Variants in HRH2 observed in about 807,000 individuals in gnomAD.
The protein encoded by HRH2 is histamine receptor H2.
HRH2 carries 4 observed loss-of-function variants against 20.1 expected under a neutral mutation model. That is an observed-to-expected ratio of 0.20 (90% CI 0.10 to 0.45). The LOEUF (loss-of-function observed/expected upper bound fraction) is 0.45. Among genes scored for constraint, HRH2 ranks in the 20% least tolerant of loss-of-function variants. The pLI is 0.99. For missense variants in HRH2, 250 were observed against 461.6 expected, an observed-to-expected ratio of 0.54 and a Z score of 4.20; for synonymous variants, 197 against 200.7, an observed-to-expected ratio of 0.98 and a Z score of 0.16.
At chr5:175,703,731 T>C (rs567715100) in intron 2 of HRH2, among the ~76,000 whole-genome samples, 65 of 152,206 alleles carry the variant, frequency 4.3e-4, no homozygotes, top group African/African-American at 1.5e-3. Flanking sequence ...TTAATACAGA[T>C]GTTGCAGAGA....
chr5:175,684,949 A>C (rs1410881623), intron 2 of HRH2, among the ~76,000 whole-genome samples: 1 of 152,172 alleles, frequency 6.6e-6, no homozygotes, highest in South Asian at 2.1e-4. Context: ...ACTTAAGCAG[A>C]TCTATGCCTT....
In HRH2 at chr5:175,687,466, C is replaced by T. The variant is rs565447692; in HGVS notation, c.1076+3157C>T. Among the ~76,000 whole-genome samples the T allele has an allele frequency of 5.9e-4, 90 of 152,248 alleles. No homozygotes were observed. The highest frequency in any genetic ancestry group is 2.1e-3 in the African/African-American group (88 of 41,540). On this transcript the variant is annotated intron_variant, in intron 2 of 2. Coordinates refer to ENST00000636584, the MANE Select transcript of HRH2 (RefSeq NM_001367711.1). This position sits in a 1 kb window ranked among gnomAD's most constrained non-coding sequence, Gnocchi z 5.2. ...GGGCACCGTCGGCCAAGGGGTGACTCCAGAAGATAGAGTGGCCAAGCTGGC... is the reference window on the plus strand; with the variant it reads ...GGGCACCGTCGGCCAAGGGGTGACTTCAGAAGATAGAGTGGCCAAGCTGGC...
chr5:175,683,742 C>A lies in HRH2; in HGVS notation c.509C>A (p.Thr170Asn). 1.9e-6 allele frequency: 3 copies of A among 1,614,172 alleles called. No individual in the cohort carries two copies. The highest frequency in any genetic ancestry group is 2.5e-6 in the Non-Finnish European group (3 of 1,180,026). ...AACGAGACCAGCAAGGGCAATCATA[C>A]CACCTCTAAGTGCAAAGTCCAGGTC... ...SRNETSKGNH[T>N]TSKCKVQVNE... Residue 170 changes from threonine to asparagine, a missense_variant, in exon 2 of 3, where the codon ACC (threonine) becomes AAC (asparagine). Thr to Asn is a moderately conservative substitution (Grantham distance 65). Transcript: ENST00000636584.
Position 175,693,464 on chromosome 5 carries a change from C to A in HRH2, c.1076+9155C>A, listed in dbSNP as rs572014554. Among the ~76,000 whole-genome samples, 1 of 152,186 alleles carries A rather than the reference C, an allele frequency of 6.6e-6. No homozygotes were observed. The highest frequency in any genetic ancestry group is 1.9e-4 in the East Asian group (1 of 5,180). ...TTTGCAGAAAGTAGCGAGGGCCTCACAGACGGGACGTCGCAGGTCCATGGA... is the reference window on the plus strand; with the variant it reads ...TTTGCAGAAAGTAGCGAGGGCCTCAAAGACGGGACGTCGCAGGTCCATGGA... On this transcript the variant is annotated intron_variant, in intron 2 of 2. Transcript: ENST00000636584. This position sits in a 1 kb window ranked among gnomAD's most constrained non-coding sequence, Gnocchi z 4.4.
intron 1 of HRH2, among the ~76,000 whole-genome samples, chr5:175,667,719 T>C (rs112925755): frequency 2.5e-4 from 38 of 152,330 alleles, no homozygotes; most frequent in African/African-American, 8.4e-4. Flanking sequence ...CAAGAAGTGA[T>C]AGTAACAGCT....
chr5:175,695,753 G>A (rs1756554308), intron 2 of HRH2, among the ~76,000 whole-genome samples: 1 of 152,236 alleles, frequency 6.6e-6, no homozygotes, highest in Non-Finnish European at 1.5e-5. Flanking sequence ...GGCAGAGGGT[G>A]TAGACCTCAA....
intron 2 of HRH2, among the ~76,000 whole-genome samples, chr5:175,684,915 GAGTT>G (rs996789865): frequency 6.6e-6 from 1 of 152,164 alleles, no homozygotes; most frequent in Non-Finnish European, 1.5e-5. Context: ...AAAGGTGAAA[GAGTT>G]AGAAGCAAGG....
In HRH2 at chr5:175,707,924, A is replaced by G. The variant is rs985074823; in HGVS notation, c.1222A>G (p.Arg408Gly). The G allele has an allele frequency of 5.0e-6, 2 of 399,118 alleles. No homozygotes were observed. Among genetic ancestry groups the G allele is most frequent in the Non-Finnish European group, 8.8e-6 (2 of 226,126 alleles). The allele number at this position is 399,118 out of a possible 1,614,324, so 24.7% of individuals were successfully genotyped here. ...GCCACTGTCTGAGGAGCCACAGAAG[A>G]GACCTCCCCAGAAAGCGGTGAGGAC... ...GEPLSEEPQKRPPQKAVRTLP... is the reference protein window; with the variant it reads ...GEPLSEEPQKGPPQKAVRTLP... The change falls in exon 3 of 3, where the codon AGA becomes GGA. Residue 408 changes from arginine to glycine, a missense_variant. Physicochemically the swap from Arg to Gly is moderately radical, Grantham distance 125. Coordinates refer to ENST00000636584, the MANE Select transcript of HRH2 (RefSeq NM_001367711.1).
At chr5:175,669,166 G>A (rs1755423812) in intron 1 of HRH2, among the ~76,000 whole-genome samples, 1 of 151,920 alleles carries the variant, frequency 6.6e-6, no homozygotes, top group African/African-American at 2.4e-5. Flanking sequence ...AAATGCATTT[G>A]TTTTTGAGGT....
rs1181811240 is a variant in HRH2, at chr5:175,709,924, C to G, written c.*1953C>G. 1.3e-5 allele frequency: 2 copies of G among 152,962 alleles called. No homozygotes were observed. The highest frequency in any genetic ancestry group is 4.8e-5 in the African/African-American group (2 of 41,478). 9.5% of individuals were successfully genotyped at this position (152,962 alleles called of 1,614,324 possible). A position where few individuals can be genotyped will look rare whatever the true frequency, so the allele number is the denominator to read the frequency against. Reference sequence around the variant, plus strand: ...TCCCCCTGCGCCAGGCCTCCTCCGTCACTTCACTCTGGCCCTGCTGTTCTT... The same window carrying G: ...TCCCCCTGCGCCAGGCCTCCTCCGTGACTTCACTCTGGCCCTGCTGTTCTT... On this transcript the variant is annotated 3_prime_UTR_variant, in exon 3 of 3. Transcript: ENST00000636584.
chr5:175,705,414 G>A (rs866606888), intron 2 of HRH2, among the ~76,000 whole-genome samples: 7 of 152,116 alleles, frequency 4.6e-5, no homozygotes, highest in East Asian at 3.9e-4. Flanking sequence ...TAAAAAACTC[G>A]AAACAATCCA....
intron 1 of HRH2, among the ~76,000 whole-genome samples, chr5:175,680,052 T>A (rs2113511306): frequency 6.6e-6 from 1 of 152,348 alleles, no homozygotes; most frequent in South Asian, 2.1e-4. Context: ...TTACTATGCA[T>A]GGTATCGCTT....
At chr5:175,682,156 C>A (rs532283471) in intron 1 of HRH2, among the ~76,000 whole-genome samples, 10 of 152,344 alleles carry the variant, frequency 6.6e-5, no homozygotes, top group Admixed American at 2.0e-4. Context: ...AGAGCCGAGC[C>A]GTCACAGGCT....
intron 2 of HRH2, among the ~76,000 whole-genome samples, chr5:175,690,938 T>C (rs886598827): frequency 6.6e-6 from 1 of 152,232 alleles, no homozygotes; most frequent in African/African-American, 2.4e-5. Flanking sequence ...TTCGTCCCTT[T>C]CTTCCATCCT....
intron 1 of HRH2, among the ~76,000 whole-genome samples, chr5:175,676,472 C>G (rs764469578): frequency 1.3e-5 from 2 of 152,200 alleles, no homozygotes; most frequent in African/African-American, 4.8e-5. Context: ...TTGGGACCAC[C>G]ACACCCTGTT....
At chr5:175,695,788 G>A (rs891389558) in intron 2 of HRH2, among the ~76,000 whole-genome samples, 6 of 152,366 alleles carry the variant, frequency 3.9e-5, no homozygotes, top group Admixed American at 3.3e-4. Context: ...CAGCATTTAA[G>A]GATGGGCCAG....
At chr5:175,684,824 G>A (rs918107153) in intron 2 of HRH2, among the ~76,000 whole-genome samples, 1 of 152,150 alleles carries the variant, frequency 6.6e-6, no homozygotes, top group Admixed American at 6.5e-5. Context: ...GGTGTAAGTT[G>A]GTGGGGAAAG....
chr5:175,698,912 A>C (rs1756702039), intron 2 of HRH2, among the ~76,000 whole-genome samples: 1 of 152,196 alleles, frequency 6.6e-6, no homozygotes, highest in Admixed American at 6.5e-5. Flanking sequence ...CTGCTCAGCA[A>C]CCTGCTCACG....
In HRH2 at chr5:175,687,900, A is replaced by G. The variant is rs1200378556; in HGVS notation, c.1076+3591A>G. ...ACACATCCCCACCAGCCTAGTGGCC[A>G]AACACAACACACGTTATTCCGTTGC... On this transcript the variant is annotated intron_variant, in intron 2 of 2. Coordinates refer to ENST00000636584, the MANE Select transcript of HRH2 (RefSeq NM_001367711.1). This position sits in a 1 kb window ranked among gnomAD's most constrained non-coding sequence, Gnocchi z 5.2. 1.3e-5 allele frequency among the ~76,000 whole-genome samples: 2 copies of G among 152,208 alleles called. No individual in the cohort carries two copies. The highest frequency in any genetic ancestry group is 4.8e-5 in the African/African-American group (2 of 41,452).
Sources: gnomAD v4.1 joint callset for allele counts (sites outside exome capture counted in the v4.1 genomes callset) on GRCh38, gnomAD v4.1.1 for gene constraint, Gnocchi (gnomAD v3.1) non-coding constraint, MANE v1.5 for transcripts, NCBI Gene and HGNC (gene_info 2026-07-23, HGNC 2026-07-21) for gene names.